SLC49A4: variants seen among roughly 807,000 people sequenced by gnomAD.
The protein encoded by SLC49A4 is solute carrier family 49 member 4.
Under a neutral mutation model 50.6 loss-of-function variants are expected in SLC49A4, and 36 were observed. The ratio of observed to expected loss-of-function variants is 0.71; its 90% CI spans 0.55 to 0.94. The LOEUF (loss-of-function observed/expected upper bound fraction) is 0.94, where lower values mean the gene tolerates loss of function less well. Among genes scored for constraint, SLC49A4 ranks in the 40% least tolerant of loss-of-function variants. SLC49A4 has a pLI of 0.00. For synonymous variants in SLC49A4, 248 were observed against 241.2 expected (o/e 1.03, Z -0.26); for missense variants, 503 against 605.7 (o/e 0.83, Z 1.78).
intron 4 of SLC49A4, among the ~76,000 whole-genome samples, chr3:122,844,796 A>C (rs1044113974): frequency 1.3e-5 from 2 of 151,994 alleles, no homozygotes; most frequent in African/African-American, 4.8e-5. Context: ...AAAAAAAAAA[A>C]ATTTCAAGAA....
At chr3:122,867,571 A>G (rs1160868709) in intron 7 of SLC49A4, among the ~76,000 whole-genome samples, 1 of 152,240 alleles carries the variant, frequency 6.6e-6, no homozygotes, top group Non-Finnish European at 1.5e-5. Flanking sequence ...TAAAGTTGTA[A>G]TTGTTATTGC....
chr3:122,812,159 T>C (rs1483791699), intron 2 of SLC49A4, among the ~76,000 whole-genome samples: 2 of 152,124 alleles, frequency 1.3e-5, no homozygotes, highest in East Asian at 1.9e-4. Context: ...TCCCAATATT[T>C]TGCCTGAGTT....
chr3:122,861,203 C>T (rs368555235), intron 7 of SLC49A4, among the ~76,000 whole-genome samples: 1 of 152,064 alleles, frequency 6.6e-6, no homozygotes, highest in Non-Finnish European at 1.5e-5. Flanking sequence ...CCATTTCAAC[C>T]TTAATCCCCT....
intron 8 of SLC49A4, 58 bp downstream of exon 8, chr3:122,872,655 A>G (rs1937210776): frequency 2.3e-6 from 3 of 1,294,256 alleles, no homozygotes; most frequent in Middle Eastern, 2.4e-4. Context: ...AGTTTGGGTC[A>G]CTAGTGTATA....
chr3:122,851,993 C>CTTTTT (rs368287566), intron 5 of SLC49A4, among the ~76,000 whole-genome samples: 1 of 128,032 alleles, frequency 7.8e-6, no homozygotes, highest in Non-Finnish European at 1.7e-5. Flanking sequence ...ATCTTTGATT[C>CTTTTT]TTTTTTTTTT....
intron 3 of SLC49A4, among the ~76,000 whole-genome samples, chr3:122,833,042 G>C (rs1006560531): frequency 6.6e-6 from 1 of 151,994 alleles, no homozygotes; most frequent in Non-Finnish European, 1.5e-5. Context: ...TTCGAGACCA[G>C]CCTGGACAAC....
At chr3:122,861,957 CA>C (rs1172354359) in intron 7 of SLC49A4, among the ~76,000 whole-genome samples, 5 of 152,116 alleles carry the variant, frequency 3.3e-5, no homozygotes, top group Non-Finnish European at 7.4e-5. Context: ...CGTATCTTTG[CA>C]AAGTAATTTT....
intron 2 of SLC49A4, among the ~76,000 whole-genome samples, chr3:122,811,965 CT>C (rs907867036): frequency 4.7e-5 from 7 of 149,108 alleles, no homozygotes; most frequent in African/African-American, 9.8e-5. Context: ...CATATATTAG[CT>C]TTTTTTTTTC....
intron 4 of SLC49A4, among the ~76,000 whole-genome samples, chr3:122,844,863 T>C (rs1037871812): frequency 2.8e-5 from 3 of 106,224 alleles, no homozygotes; most frequent in Non-Finnish European, 6.6e-5. Flanking sequence ...CACTTTGAGC[T>C]TCTTGAAGAA....
chr3:122,863,442 TGTG>T, intron 7 of SLC49A4, among the ~76,000 whole-genome samples: 1 of 152,358 alleles, frequency 6.6e-6, no homozygotes, highest in African/African-American at 2.4e-5. Flanking sequence ...AGTCAGCAAT[TGTG>T]GTCACTCTTA....
intron 1 of SLC49A4, among the ~76,000 whole-genome samples, chr3:122,803,086 C>T (rs1478270840): frequency 2.0e-5 from 3 of 152,032 alleles, no homozygotes; most frequent in East Asian, 1.9e-4. Flanking sequence ...ACCCACAAAT[C>T]TAAGAAATTT....
At chr3:122,855,357 G>A (rs1466468893) in intron 5 of SLC49A4, among the ~76,000 whole-genome samples, 17 of 152,194 alleles carry the variant, frequency 1.1e-4, no homozygotes, top group Admixed American at 1.0e-3. Flanking sequence ...AGCAAGCATG[G>A]TGGTCATGGG....
intron 5 of SLC49A4, among the ~76,000 whole-genome samples, chr3:122,856,072 T>C (rs977757447): frequency 6.6e-6 from 1 of 152,230 alleles, no homozygotes; most frequent in Non-Finnish European, 1.5e-5. Flanking sequence ...ATATTAGGCA[T>C]GTAGTACATA....
intron 2 of SLC49A4, among the ~76,000 whole-genome samples, chr3:122,817,751 T>C (rs1936392627): frequency 8.4e-6 from 1 of 118,834 alleles, no homozygotes; most frequent in African/African-American, 3.0e-5. Context: ...CAGCTAATTT[T>C]TTTTTTTTTT....
At chr3:122,861,834 C>T (rs1308672034) in intron 7 of SLC49A4, among the ~76,000 whole-genome samples, 1 of 152,236 alleles carries the variant, frequency 6.6e-6, no homozygotes, top group Non-Finnish European at 1.5e-5. Context: ...CCTCAGTAAG[C>T]TCACAAGGGC....
At chr3:122,808,226 T>C (rs76314986) in intron 2 of SLC49A4, among the ~76,000 whole-genome samples, 7,666 of 152,250 alleles carry the variant, frequency 0.05, 264 homozygotes, top group Middle Eastern at 0.11. Flanking sequence ...TTACATGACA[T>C]ACTATGTTTG....
Position 122,833,451 on chromosome 3 carries a change from A to G in SLC49A4, c.833+5A>G. Reference sequence around the variant, plus strand: ...AAGCGTTTGTAGATTATTAAGGTAAATATACTGAGAGTCACTGGATGGCTT... The same window carrying G: ...AAGCGTTTGTAGATTATTAAGGTAAGTATACTGAGAGTCACTGGATGGCTT... On this transcript the variant is annotated splice_donor_5th_base_variant and intron_variant, in intron 4 of 8. Transcript: ENST00000261038. The G allele has an allele frequency of 6.2e-7, 1 of 1,611,800 alleles. No homozygotes were observed.
At chr3:122,847,379 G>A (rs961511511) in intron 5 of SLC49A4, among the ~76,000 whole-genome samples, 30 of 133,750 alleles carry the variant, frequency 2.2e-4, no homozygotes, top group African/African-American at 8.0e-4. Flanking sequence ...ATGGAGTCTC[G>A]CTCTGTCGCC....
intron 2 of SLC49A4, among the ~76,000 whole-genome samples, chr3:122,811,639 A>T (rs1936301898): frequency 6.6e-6 from 1 of 152,240 alleles, no homozygotes; most frequent in Non-Finnish European, 1.5e-5. Flanking sequence ...CTTTGCTTGT[A>T]ATAGCAGAAG....
Sources: gnomAD v4.1 joint callset for allele counts (sites outside exome capture counted in the v4.1 genomes callset) on GRCh38, gnomAD v4.1.1 for gene constraint, MANE v1.5 for transcripts, NCBI Gene and HGNC (gene_info 2026-07-23, HGNC 2026-07-21) for gene names.